The following IL1RAPL2 variants were observed in gnomAD, a reference collection of about 807,000 sequenced individuals.
IL1RAPL2 encodes the protein X-linked interleukin-1 receptor accessory protein-like 2.
In IL1RAPL2, 3 loss-of-function variants were observed where a neutral mutation model predicts 44.1. The ratio of observed to expected loss-of-function variants is 0.07; its 90% CI spans 0.03 to 0.18. The LOEUF (loss-of-function observed/expected upper bound fraction) is 0.18. Ranked by LOEUF, IL1RAPL2 falls within the 10% of genes least tolerant of loss-of-function variation. IL1RAPL2 has a pLI of 1.00. For synonymous variants in IL1RAPL2, 181 were observed against 178.8 expected (o/e 1.01, Z -0.10); for missense variants, 391 against 496.4 (o/e 0.79, Z 2.02).
intron 2 of IL1RAPL2, among the ~76,000 whole-genome samples, chrX:104,788,568 G>A (rs1283385808): frequency 8.9e-6 from 1 of 111,891 alleles, no homozygotes; most frequent in Non-Finnish European, 1.9e-5. Context: ...CTGAAAGCAG[G>A]TTGTGGGGCA....
chrX:105,639,588 C>A (rs1197261744), intron 6 of IL1RAPL2, among the ~76,000 whole-genome samples: 4 of 111,219 alleles, frequency 3.6e-5, no homozygotes, highest in African/African-American at 1.3e-4. Flanking sequence ...ATGATGAACC[C>A]TTGTAGAAAA....
At chrX:105,105,963 C>G (rs1280087348) in intron 2 of IL1RAPL2, among the ~76,000 whole-genome samples, 3 of 111,021 alleles carry the variant, frequency 2.7e-5, no homozygotes, top group African/African-American at 9.8e-5. Context: ...AGAGAAGTAG[C>G]CCAAAAGACT....
At chrX:105,237,600 G>C (rs967339833) in intron 4 of IL1RAPL2, among the ~76,000 whole-genome samples, 2 of 112,156 alleles carry the variant, frequency 1.8e-5, no homozygotes, top group Non-Finnish European at 1.9e-5. Flanking sequence ...GGCCAGTGAT[G>C]ATGAGCATTT....
At chrX:105,226,871 G>A (rs2034020939) in intron 3 of IL1RAPL2, among the ~76,000 whole-genome samples, 1 of 110,350 alleles carries the variant, frequency 9.1e-6, no homozygotes, top group Admixed American at 9.8e-5. Flanking sequence ...TCTAAAAGCT[G>A]CATTATCAAG....
intron 6 of IL1RAPL2, among the ~76,000 whole-genome samples, chrX:105,622,308 T>C (rs1293601945): frequency 2.8e-5 from 3 of 107,749 alleles, no homozygotes; most frequent in African/African-American, 1.0e-4. Context: ...ATAATAATAA[T>C]AATAGAAGCA....
chrX:104,656,214 T>A (rs1486572772), intron 1 of IL1RAPL2, among the ~76,000 whole-genome samples: 1 of 111,366 alleles, frequency 9.0e-6, no homozygotes, highest in Non-Finnish European at 1.9e-5. Flanking sequence ...TGTCTTTTGC[T>A]AGCTTTTGAA....
At chrX:104,804,008 T>A (rs1404352102) in intron 2 of IL1RAPL2, 2 of 113,267 alleles carry the variant, frequency 1.8e-5, no homozygotes, top group African/African-American at 6.5e-5. Flanking sequence ...CATGCAAATC[T>A]TTGCACTTAA....
intron 4 of IL1RAPL2, among the ~76,000 whole-genome samples, chrX:105,235,491 C>T (rs1162670507): frequency 9.0e-6 from 1 of 111,292 alleles, no homozygotes; most frequent in Non-Finnish European, 1.9e-5. Context: ...GAAGCTTAAT[C>T]CCTAACTCCC....
At chrX:105,234,653 T>C (rs1189588502) in intron 4 of IL1RAPL2, among the ~76,000 whole-genome samples, 1 of 109,200 alleles carries the variant, frequency 9.2e-6, no homozygotes, top group Admixed American at 9.8e-5. Flanking sequence ...TACTAAAATA[T>C]AAAAATTAGC....
At chrX:105,238,212 T>C (rs1220129529) in intron 4 of IL1RAPL2, among the ~76,000 whole-genome samples, 1 of 112,353 alleles carries the variant, frequency 8.9e-6, no homozygotes, top group African/African-American at 3.2e-5. Flanking sequence ...AACTTAGTAA[T>C]TGGCACAAGA....
chrX:105,347,417 T>C (rs1164793510), intron 5 of IL1RAPL2, among the ~76,000 whole-genome samples: 2 of 111,726 alleles, frequency 1.8e-5, no homozygotes, highest in Admixed American at 1.9e-4. Context: ...GATTATTTTT[T>C]GCCTGGAGGA....
Position 105,364,946 on chromosome X carries a change from A to G in IL1RAPL2, c.697+97405A>G, listed in dbSNP as rs755696496. ...GGACTTCCAGTACTATGTAGAATAT[A>G]AAAGGCAAGAGTGTACATCCTTGTC... On this transcript the variant is annotated intron_variant, in intron 5 of 10. Transcript: ENST00000372582. Among the ~76,000 whole-genome samples the G allele has an allele frequency of 4.5e-5, 5 of 111,904 alleles. No individual in the cohort carries two copies. In the South Asian group the frequency reaches 1.9e-3, roughly 41 times the overall value.
At chrX:104,923,450 A>T (rs886789800) in intron 2 of IL1RAPL2, among the ~76,000 whole-genome samples, 2 of 112,276 alleles carry the variant, frequency 1.8e-5, no homozygotes, top group Non-Finnish European at 3.8e-5. Context: ...TCAGACTAAC[A>T]GTGGACTTAT....
intron 2 of IL1RAPL2, among the ~76,000 whole-genome samples, chrX:104,666,840 G>A (rs1017505092): frequency 1.8e-5 from 2 of 111,661 alleles, no homozygotes; most frequent in African/African-American, 6.5e-5. Flanking sequence ...AGCACCCAGA[G>A]ATTTCTTAGA....
chrX:104,930,904 C>G (rs1241843272), intron 2 of IL1RAPL2, among the ~76,000 whole-genome samples: 1 of 111,097 alleles, frequency 9.0e-6, no homozygotes, highest in African/African-American at 3.3e-5. Context: ...TAAAGTGATT[C>G]CCCTAGTAAG....
intron 6 of IL1RAPL2, among the ~76,000 whole-genome samples, chrX:105,633,749 A>C (rs1231447585): frequency 9.0e-6 from 1 of 111,127 alleles, no homozygotes; most frequent in Non-Finnish European, 1.9e-5. Flanking sequence ...ACACACACTC[A>C]TGCACCCACT....
intron 5 of IL1RAPL2, among the ~76,000 whole-genome samples, chrX:105,347,432 G>A (rs1052733981): frequency 6.3e-5 from 7 of 111,316 alleles, no homozygotes; most frequent in Non-Finnish European, 7.5e-5. Context: ...GGAGGATTAA[G>A]CAAGGTAATG....
At chrX:105,053,187 A>G (rs2031950932) in intron 2 of IL1RAPL2, among the ~76,000 whole-genome samples, 1 of 111,212 alleles carries the variant, frequency 9.0e-6, no homozygotes, top group Non-Finnish European at 1.9e-5. Context: ...CCACCCTAGC[A>G]TAATGTATCA....
intron 2 of IL1RAPL2, among the ~76,000 whole-genome samples, chrX:104,770,792 G>A (rs769881564): frequency 9.0e-6 from 1 of 111,630 alleles, no homozygotes; most frequent in Non-Finnish European, 1.9e-5. Context: ...TGTTGCATAG[G>A]TAAACTTGTG....
Sources: allele counts gnomAD v4.1 joint callset (sites outside exome capture counted in the v4.1 genomes callset), GRCh38; gene constraint gnomAD v4.1.1; transcripts MANE v1.5; gene names NCBI Gene and HGNC (gene_info 2026-07-23, HGNC 2026-07-21).